FAM135B: variants seen among roughly 807,000 people sequenced by gnomAD.
The protein encoded by FAM135B is protein FAM135B.
Under a neutral mutation model 127.7 loss-of-function variants are expected in FAM135B, and 43 were observed. The ratio of observed to expected loss-of-function variants is 0.34; its 90% CI spans 0.26 to 0.43. The LOEUF (loss-of-function observed/expected upper bound fraction) is 0.43, where lower values mean the gene tolerates loss of function less well. Ranked by LOEUF, FAM135B falls within the 20% of genes least tolerant of loss-of-function variation. The probability of loss-of-function intolerance (pLI) is 1.00; values close to 1 mark genes in which losing one functional copy is unlikely to be tolerated. For missense variants in FAM135B, 1,558 were observed against 1,725.6 expected (o/e 0.90, Z 1.72); for synonymous variants, 670 against 665.1 (o/e 1.01, Z -0.11).
At chr8:138,286,768 A>C (rs1162359648) in intron 3 of FAM135B, among the ~76,000 whole-genome samples, 1 of 152,196 alleles carries the variant, frequency 6.6e-6, no homozygotes, top group African/African-American at 2.4e-5. Context: ...TGGACATCCA[A>C]GGCACACTCA....
chr8:138,207,581 T>G (rs1400651416), intron 7 of FAM135B, among the ~76,000 whole-genome samples: 2 of 152,182 alleles, frequency 1.3e-5, no homozygotes, highest in Non-Finnish European at 2.9e-5. Flanking sequence ...TGAAGGCTCC[T>G]GAGGGACAGT....
chr8:138,319,402 G>A (rs551245651), intron 2 of FAM135B, among the ~76,000 whole-genome samples: 6 of 152,206 alleles, frequency 3.9e-5, no homozygotes, highest in South Asian at 2.1e-4. Context: ...CCACTGGCCC[G>A]GCCTCCAAGT....
chr8:138,410,632 C>T (rs1016044593), intron 1 of FAM135B, among the ~76,000 whole-genome samples: 4 of 152,150 alleles, frequency 2.6e-5, no homozygotes, highest in Non-Finnish European at 5.9e-5. Context: ...AGTCAAAAAA[C>T]AACAGATGTT....
At chr8:138,265,364 C>A (rs1047520454) in intron 4 of FAM135B, among the ~76,000 whole-genome samples, 3 of 152,088 alleles carry the variant, frequency 2.0e-5, no homozygotes, top group Admixed American at 2.0e-4. Flanking sequence ...TAGAGCCCTG[C>A]AAAAAGTAGT....
chr8:138,335,484 C>A (rs1191672830), intron 2 of FAM135B, among the ~76,000 whole-genome samples: 1 of 152,014 alleles, frequency 6.6e-6, no homozygotes, highest in Non-Finnish European at 1.5e-5. Context: ...AGACTTTAAA[C>A]CAACAAAGAT....
Position 138,242,979 on chromosome 8 carries a change from A to T in FAM135B, c.632T>A (p.Val211Asp), listed in dbSNP as rs781516308. Residue 211 changes from valine (V) to aspartate (D), a missense_variant, in exon 7 of 20, where the codon GTC becomes GAC. This residue lies in a region of FAM135B where 127 missense variants were observed against 109.7 expected (regional missense o/e 1.16). Transcript: ENST00000395297. This position sits in a 1 kb window ranked among gnomAD's most constrained non-coding sequence, Gnocchi z 9.6. ...EQSIISLENL[V>D]FGAGYCKPTS... is the part of the protein sequence containing the mutation. ...CGGCTTGCAGTACCCAGCTCCAAAG[A>T]CCAAGTTTTCCAGAGAAATGATAGA... 1 of 1,613,916 alleles carries T rather than the reference A, an allele frequency of 6.2e-7. No individual in the cohort carries two copies. The highest frequency in any genetic ancestry group is 8.5e-7 in the Non-Finnish European group (1 of 1,179,896).
chr8:138,375,358 G>C (rs1026831844), intron 1 of FAM135B, among the ~76,000 whole-genome samples: 1 of 152,228 alleles, frequency 6.6e-6, no homozygotes, highest in Non-Finnish European at 1.5e-5. Flanking sequence ...ACCTGGAATG[G>C]AGCCTCTATA....
intron 8 of FAM135B, among the ~76,000 whole-genome samples, chr8:138,195,755 T>C (rs1816573366): frequency 6.6e-6 from 1 of 152,160 alleles, no homozygotes; most frequent in Non-Finnish European, 1.5e-5. Flanking sequence ...CCTGAGAACC[T>C]CCTGCTCAGC....
chr8:138,177,460 T>C (rs1814581391), intron 10 of FAM135B, 40 bp from the exon 11 acceptor site: 1 of 1,553,588 alleles, frequency 6.4e-7, no homozygotes, highest in Non-Finnish European at 8.8e-7. Context: ...ATTCTTTAGG[T>C]AGGTATTACC....
At chr8:138,230,803 G>A (rs1223348849) in intron 7 of FAM135B, among the ~76,000 whole-genome samples, 3 of 152,106 alleles carry the variant, frequency 2.0e-5, no homozygotes, top group Admixed American at 6.5e-5. Context: ...GTCTTAAAGA[G>A]TCAAATATTC....
chr8:138,402,893 T>G (rs575909599), intron 1 of FAM135B, among the ~76,000 whole-genome samples: 1 of 152,224 alleles, frequency 6.6e-6, no homozygotes, highest in East Asian at 1.9e-4. Flanking sequence ...GGGAGGCCAT[T>G]AGATCATGAA....
At chr8:138,160,363 G>T (rs572358308) in intron 12 of FAM135B, among the ~76,000 whole-genome samples, 1 of 151,830 alleles carries the variant, frequency 6.6e-6, no homozygotes, top group African/African-American at 2.4e-5. Context: ...CCCTGAGCTG[G>T]TGTCTGGTTT....
At chr8:138,335,371 T>C (rs556598239) in intron 2 of FAM135B, among the ~76,000 whole-genome samples, 14 of 152,264 alleles carry the variant, frequency 9.2e-5, no homozygotes, top group African/African-American at 3.1e-4. Flanking sequence ...TTGTGCAATA[T>C]GGCATACGTA....
intron 2 of FAM135B, among the ~76,000 whole-genome samples, chr8:138,366,261 A>G (rs1830725057): frequency 6.6e-6 from 1 of 152,176 alleles, no homozygotes. Context: ...AACAAGAAAA[A>G]TGTCTAATAC....
intron 1 of FAM135B, among the ~76,000 whole-genome samples, chr8:138,377,214 T>A (rs903570717): frequency 2.2e-4 from 34 of 152,204 alleles, no homozygotes; most frequent in African/African-American, 8.2e-4. Flanking sequence ...TATATCAGCA[T>A]TTACTTTATG....
chr8:138,494,563 AG>A (rs777863963), intron 1 of FAM135B, among the ~76,000 whole-genome samples: 4 of 152,220 alleles, frequency 2.6e-5, no homozygotes, highest in Non-Finnish European at 4.4e-5. Flanking sequence ...TTGTTATTCT[AG>A]GCAGGGACAC....
At chr8:138,136,914 C>T (rs773505623) in intron 19 of FAM135B, among the ~76,000 whole-genome samples, 14 of 152,116 alleles carry the variant, frequency 9.2e-5, no homozygotes, top group Non-Finnish European at 1.8e-4. Flanking sequence ...GGCTGGCACA[C>T]AATAGGACTG....
intron 1 of FAM135B, among the ~76,000 whole-genome samples, chr8:138,478,413 C>T (rs373139633): frequency 2.6e-5 from 4 of 152,286 alleles, no homozygotes; most frequent in African/African-American, 9.6e-5. Context: ...CTCTTTAAAG[C>T]CTTCCTTGAT....
intron 4 of FAM135B, among the ~76,000 whole-genome samples, chr8:138,262,243 C>A (rs1448917614): frequency 6.6e-6 from 1 of 152,176 alleles, no homozygotes; most frequent in Non-Finnish European, 1.5e-5. Flanking sequence ...AAGAACAATT[C>A]TCTGACGGAA....
Sources: allele counts gnomAD v4.1 joint callset (sites outside exome capture counted in the v4.1 genomes callset), GRCh38; gene constraint gnomAD v4.1.1; regional missense constraint gnomAD v4.1.1; non-coding constraint Gnocchi (gnomAD v3.1); transcripts MANE v1.5; gene names NCBI Gene and HGNC (gene_info 2026-07-23, HGNC 2026-07-21).